Variants in F12 observed in about 807,000 individuals in gnomAD.
F12 encodes coagulation factor XII.
A neutral mutation model predicts 74.8 loss-of-function variants in F12; 70 were observed. The ratio of observed to expected loss-of-function variants is 0.94; its 90% CI spans 0.77 to 1.14. The LOEUF (loss-of-function observed/expected upper bound fraction) is 1.14, where lower values mean the gene tolerates loss of function less well. Among genes scored for constraint, F12 ranks in the 50% most tolerant of loss-of-function variants. F12 has a pLI of 0.00. For missense variants in F12, 811 were observed against 835.7 expected (o/e 0.97, Z 0.36); for synonymous variants, 373 against 356.4 (o/e 1.05, Z -0.52).
chr5:177,407,564 CA>C (rs1763320663), intron 2 of F12, among the ~76,000 whole-genome samples: 1 of 152,108 alleles, frequency 6.6e-6, no homozygotes, highest in African/African-American at 2.4e-5. Context: ...GTGGGCGGAC[CA>C]CCTGAGGGCA....
In F12 at chr5:177,402,605, A is replaced by G. The variant is rs1181258812; in HGVS notation, c.1625T>C (p.Ile542Thr). The G allele has an allele frequency of 6.2e-7, 1 of 1,613,140 alleles. No homozygotes were observed. Among genetic ancestry groups the G allele is most frequent in the Admixed American group, 1.7e-5 (1 of 60,020 alleles). ...CCCTGCGCAGAGCATGCCGGGGAGG[A>G]TGGAGGATCCGTGCACGTCCGGGGC... is the stretch of plus-strand genomic sequence containing the variant. ...CSAPDVHGSS[I>T]LPGMLCAGFL... The change falls in exon 13 of 14, where the codon ATC (isoleucine) becomes ACC (threonine). Residue 542 changes from isoleucine to threonine, a missense_variant. Physicochemically the swap from Ile to Thr is moderately conservative, Grantham distance 89. Transcript: ENST00000253496.
intron 5 of F12, 37 bp downstream of exon 5, chr5:177,405,286 C>G (rs1447694935): frequency 6.2e-7 from 1 of 1,613,628 alleles, no homozygotes; most frequent in African/African-American, 1.3e-5. Flanking sequence ...TGCCCCTGTC[C>G]CCCAGCACCC....
In F12 at chr5:177,402,372, A is replaced by T. The variant is rs1157280571; in HGVS notation, c.1768T>A (p.Cys590Ser). Residue 590 changes from cysteine (C) to serine (S), a missense_variant, in exon 14 of 14, where the codon TGT becomes AGT. Cys to Ser is a moderately radical substitution (Grantham distance 112). Coordinates refer to ENST00000253496, the MANE Select transcript of F12 (RefSeq NM_000505.4). ...ACGCCTGGCTTGTTGCGGTCACCAC[A>T]GCCCGATCCCCAGCTGATGATGCCT... is the stretch of plus-strand genomic sequence containing the variant. ...LQGIISWGSG[C>S]GDRNKPGVYT... 5 of 1,613,648 alleles carry T rather than the reference A, an allele frequency of 3.1e-6. No homozygotes were observed. The highest frequency in any genetic ancestry group is 4.2e-6 in the Non-Finnish European group (5 of 1,179,994).
Position 177,403,603 on chromosome 5 carries a change from T to C in F12, c.1265A>G (p.Asp422Gly). The C allele has an allele frequency of 6.2e-7, 1 of 1,605,446 alleles. No homozygotes were observed. ...TTCCTGGCCGAGCACCACCGTCAGA[T>C]CCTCGGGTGCGGGCCTGCGGGGGGG... ...HCLQDRPAPE[D>G]LTVVLGQERR... Residue 422 changes from aspartate (D) to glycine (G), a missense_variant, in exon 11 of 14, where the codon GAT becomes GGT. Physicochemically the swap from Asp to Gly is moderately conservative, Grantham distance 94 (BLOSUM62 -1). Transcript: ENST00000253496.
At chr5:177,408,080 G>A (rs1299804054) in intron 2 of F12, among the ~76,000 whole-genome samples, 1 of 151,086 alleles carries the variant, frequency 6.6e-6, no homozygotes, top group African/African-American at 2.4e-5. Flanking sequence ...TTTTGAGACG[G>A]AGTCTTGCTG....
rs73336290 is a variant in F12, at chr5:177,405,294, C to A, written c.397+29G>T. 2.7e-3 allele frequency: 4,386 copies of A among 1,613,760 alleles called. 84 individuals are homozygous for A. The African/African-American group carries it at 0.049, about 18-fold the overall frequency. Reference sequence around the variant, plus strand: ...CCAGGGTTGCCCCTGTCCCCCAGCACCCCGCCCAGGTCCTCCACATCTCCT... The same window carrying A: ...CCAGGGTTGCCCCTGTCCCCCAGCAACCCGCCCAGGTCCTCCACATCTCCT... On this transcript the variant is annotated intron_variant, in intron 5 of 13. Transcript: ENST00000253496.
chr5:177,403,306 T>C lies in F12; in HGVS notation c.1479A>G (p.Arg493=). ...CCTGGCAGAGCGTGGTCTCGGAGGGTCGCGCGGCGCCGCTTGGCAGGCACA... is the reference window on the plus strand; with the variant it reads ...CCTGGCAGAGCGTGGTCTCGGAGGGCCGCGCGGCGCCGCTTGGCAGGCACA... ...QPVCLPSGAA[R]PSETTLCQVA... Residue 493 remains arginine, a synonymous_variant, in exon 12 of 14, where the codon CGA becomes CGG. Coordinates refer to ENST00000253496, the MANE Select transcript of F12 (RefSeq NM_000505.4). 6.3e-7 allele frequency: 1 copy of C among 1,597,630 alleles called. No homozygotes were observed. The highest frequency in any genetic ancestry group is 8.5e-7 in the Non-Finnish European group (1 of 1,179,152).
rs1404473506 is a variant in F12 at position 177,404,480 on chromosome 5, C to G, written c.800+19G>C. The G allele has an allele frequency of 6.3e-7, 1 of 1,591,512 alleles. No individual in the cohort carries two copies. The highest frequency in any genetic ancestry group is 2.3e-5 in the East Asian group (1 of 43,508). ...CGGAGCCCTGGGGCGGAGGGGTCACCCAGCCCCACGCGGCGCACCGGCAGA... is the reference window on the plus strand; with the variant it reads ...CGGAGCCCTGGGGCGGAGGGGTCACGCAGCCCCACGCGGCGCACCGGCAGA... On this transcript the variant is annotated intron_variant, in intron 8 of 13. Transcript: ENST00000253496.
In F12 at chr5:177,403,839, C is replaced by T. The variant is rs1763209347; in HGVS notation, c.1250+20G>A. 2 of 1,504,794 alleles carry T rather than the reference C, an allele frequency of 1.3e-6. No individual in the cohort carries two copies. The highest frequency in any genetic ancestry group is 2.8e-5 in the African/African-American group (2 of 72,428). The allele number at this position is 1,504,794 out of a possible 1,614,324, so 93.2% of individuals were successfully genotyped here. A position where few individuals can be genotyped will look rare whatever the true frequency, so the allele number is the denominator to read the frequency against. On this transcript the variant is annotated intron_variant, in intron 10 of 13. Transcript: ENST00000253496. Reference sequence around the variant, plus strand: ...AGGAGCCGCGGCCCCTGGGGCGGCTCTGGGCGGGCGGGTACTCGCCGGTCC... The same window carrying T: ...AGGAGCCGCGGCCCCTGGGGCGGCTTTGGGCGGGCGGGTACTCGCCGGTCC...
Position 177,403,318 on chromosome 5 carries a change from G to C in F12, c.1467C>G (p.Ser489Arg). ...TGGTCTCGGAGGGTCGCGCGGCGCC[G>C]CTTGGCAGGCACACCGGCTGAACGT... is the stretch of plus-strand genomic sequence containing the variant. ...SPYVQPVCLP[S>R]GAARPSETTL... The change falls in exon 12 of 14, where the codon AGC (serine) becomes AGG (arginine). Residue 489 changes from serine (S) to arginine (R), a missense_variant. Ser to Arg is a moderately radical substitution (Grantham distance 110, BLOSUM62 -1). Transcript: ENST00000253496. The C allele has an allele frequency of 1.3e-6, 2 of 1,599,366 alleles. No individual in the cohort carries two copies. The highest frequency in any genetic ancestry group is 1.7e-6 in the Non-Finnish European group (2 of 1,179,774).
chr5:177,404,986 C>T, intron 6 of F12, 68 bp downstream of exon 6: 1 of 1,592,084 alleles, frequency 6.3e-7, no homozygotes, highest in Non-Finnish European at 8.5e-7. Context: ...TCCTGGCACA[C>T]CACCCGGCCT....
chr5:177,402,718 T>C lies in F12; in HGVS notation c.1532-20A>G, dbSNP rs1173899943. On this transcript the variant is annotated intron_variant, in intron 12 of 13. Coordinates refer to ENST00000253496, the MANE Select transcript of F12 (RefSeq NM_000505.4). ...CCGCCCCTGCGAACACAGAGCGCCT[T>C]CTTCACACCCCATCTGACAACGCTT... 1 of 1,610,698 alleles carries C rather than the reference T, an allele frequency of 6.2e-7. No individual in the cohort carries two copies. The highest frequency in any genetic ancestry group is 1.3e-5 in the African/African-American group (1 of 74,968).
At chr5:177,402,932 A>C in intron 12 of F12, 4 of 680,016 alleles carry the variant, frequency 5.9e-6, no homozygotes, top group Non-Finnish European at 7.3e-6. Flanking sequence ...CCCACCACCC[A>C]TCCAGAGTCG....
intron 2 of F12, 68 bp downstream of exon 2, chr5:177,408,978 G>A (rs1469039421): frequency 3.4e-6 from 5 of 1,468,250 alleles, no homozygotes; most frequent in Non-Finnish European, 3.7e-6. Flanking sequence ...ACTGCCCTGA[G>A]ACTGCACACA....
chr5:177,404,305 A>G lies in F12; in HGVS notation c.909T>C (p.Pro303=). 1 of 1,601,348 alleles carries G rather than the reference A, an allele frequency of 6.2e-7. No individual in the cohort carries two copies. The highest frequency in any genetic ancestry group is 8.5e-7 in the Non-Finnish European group (1 of 1,173,494). The change falls in exon 9 of 14, where the codon CCT becomes CCC. Residue 303 remains proline (P), a synonymous_variant. Coordinates refer to ENST00000253496, the MANE Select transcript of F12 (RefSeq NM_000505.4). ...GAAGCCTAGGGGACACCGGGGTCGG[A>G]GGCGCCGCCTGGGTTGGGGTCTGGC... The part of the protein sequence containing the change: ...AQCQTPTQAA[P]PTPVSPRLHV...
intron 4 of F12, 132 bp from the exon 5 acceptor site, chr5:177,405,565 A>G: frequency 8.3e-7 from 1 of 1,201,150 alleles, no homozygotes; most frequent in South Asian, 1.3e-5. Flanking sequence ...CCCACCTGCA[A>G]AATGGGACCA....
At chr5:177,409,242 C>A (rs1380370188) in intron 1 of F12, 139 bp from the exon 2 acceptor site, 16 of 1,030,490 alleles carry the variant, frequency 1.6e-5, no homozygotes, top group Non-Finnish European at 2.2e-5. Context: ...TACCTCCCCC[C>A]GTTGTCTTCT....
Position 177,404,213 on chromosome 5 carries a change from T to A in F12, c.1001A>T (p.Gln334Leu), listed in dbSNP as rs773857505. ...TTCCTAACCTCCCGGGGTCTGGGAC[T>A]GAGGCGGGGTCCGGGTCGTGGGCTG... ...KPQPTTRTPP[Q>L]SQTPGALPAK... is the part of the protein sequence containing the mutation. The change falls in exon 9 of 14, where the codon CAG (glutamine) becomes CTG (leucine). Residue 334 changes from glutamine to leucine, a missense_variant. Transcript: ENST00000253496. The A allele has an allele frequency of 4.4e-6, 7 of 1,603,494 alleles. No homozygotes were observed. The highest frequency in any genetic ancestry group is 6.0e-6 in the Non-Finnish European group (7 of 1,173,946).
Position 177,405,734 on chromosome 5 carries a change from C to A in F12, c.286+1G>T, listed in dbSNP as rs558160225. 2 of 1,614,138 alleles carry A rather than the reference C, an allele frequency of 1.2e-6. No homozygotes were observed. Among genetic ancestry groups the A allele is most frequent in the African/African-American group, 2.7e-5 (2 of 75,026 alleles). The stretch of plus-strand genomic sequence containing the variant: ...GCCACCCCAGAGGCTGTGTGTAGCA[C>A]CTTTCACTTTCTTGGGCTCCAAACA... On this transcript the variant is annotated splice_donor_variant, in intron 4 of 13. Coordinates refer to ENST00000253496, the MANE Select transcript of F12 (RefSeq NM_000505.4). LOFTEE classifies it high-confidence loss of function.
Sources: gnomAD v4.1 joint callset for allele counts (sites outside exome capture counted in the v4.1 genomes callset) on GRCh38, gnomAD v4.1.1 for gene constraint, MANE v1.5 for transcripts, NCBI Gene and HGNC (gene_info 2026-07-23, HGNC 2026-07-21) for gene names.